Variants in USP15 observed in about 807,000 individuals in gnomAD.
USP15 encodes the protein ubiquitin specific peptidase 15, also known as ubiquitin carboxyl-terminal hydrolase 15.
A neutral mutation model predicts 127.1 loss-of-function variants in USP15; 18 were observed. The ratio of observed to expected loss-of-function variants is 0.14; its 90% CI spans 0.10 to 0.21. USP15 has a LOEUF of 0.21. Among genes scored for constraint, USP15 ranks in the 10% least tolerant of loss-of-function variants. The pLI is 1.00. For synonymous variants in USP15, 364 were observed against 393.7 expected (o/e 0.92, Z 0.89); for missense variants, 805 against 1,159.9 (o/e 0.69, Z 4.44).
chr12:62,271,470 C>A (rs1268920968), intron 1 of USP15, among the ~76,000 whole-genome samples: 1 of 151,804 alleles, frequency 6.6e-6, no homozygotes, highest in Non-Finnish European at 1.5e-5. Flanking sequence ...TAATGTATGC[C>A]TTTATATGAT....
In USP15 at chr12:62,391,417, C is replaced by G; in HGVS notation, c.2221C>G (p.Leu741Val). ...TRHIRFDDRQ[L>V]RLDERSFLAL... is the part of the protein sequence containing the mutation. Reference sequence around the variant, plus strand: ...GCATATAAGATTTGATGATAGGCAGCTTAGGCTAGATGGTAAGTATTTGTG... The same window carrying G: ...GCATATAAGATTTGATGATAGGCAGGTTAGGCTAGATGGTAAGTATTTGTG... Residue 741 changes from leucine to valine, a missense_variant, in exon 16 of 22, where the codon CTT becomes GTT. Around this residue, in one of 11 missense-constraint regions of USP15, gnomAD observed 225 missense variants for 239.5 expected, o/e 0.94. Coordinates refer to ENST00000280377, the MANE Select transcript of USP15 (RefSeq NM_001252078.2). The G allele has an allele frequency of 6.2e-7, 1 of 1,609,160 alleles. No individual in the cohort carries two copies. Among genetic ancestry groups the G allele is most frequent in the Non-Finnish European group, 8.5e-7 (1 of 1,178,234 alleles).
intron 1 of USP15, among the ~76,000 whole-genome samples, chr12:62,272,456 TAAC>T: frequency 6.6e-6 from 1 of 152,086 alleles, no homozygotes; most frequent in African/African-American, 2.4e-5. Context: ...TACAAATCAA[TAAC>T]AACAAAAAAA....
At chr12:62,340,391 G>A (rs1463800154) in intron 6 of USP15, among the ~76,000 whole-genome samples, 1 of 151,900 alleles carries the variant, frequency 6.6e-6, no homozygotes, top group African/African-American at 2.4e-5. Context: ...ATCTCCTTCA[G>A]TTCTGCTCTG....
At chr12:62,359,803 A>T (rs943104019) in intron 8 of USP15, among the ~76,000 whole-genome samples, 5 of 152,118 alleles carry the variant, frequency 3.3e-5, no homozygotes, top group African/African-American at 1.2e-4. Flanking sequence ...TGAATATTCT[A>T]TCTGTAGGGC....
At chr12:62,341,940 G>A (rs1477249351) in intron 6 of USP15, among the ~76,000 whole-genome samples, 1 of 152,056 alleles carries the variant, frequency 6.6e-6, no homozygotes, top group Non-Finnish European at 1.5e-5. Context: ...TACAAGGTTG[G>A]GGAGGTTCTC....
rs186187302 is a variant in USP15, at chr12:62,260,682, G to A, written c.89+179G>A. Among the ~76,000 whole-genome samples, 424 of 152,304 alleles carry A rather than the reference G, an allele frequency of 2.8e-3. 2 individuals carry two copies. Among genetic ancestry groups the A allele is most frequent in the Non-Finnish European group, 4.7e-3 (320 of 68,016 alleles). ...GGCAAAGGTTGGACTCTAGATGAGG[G>A]TCAGGGTTCTTGGCTTGCCAGGGCA... On this transcript the variant is annotated intron_variant, in intron 1 of 21. Coordinates refer to ENST00000280377, the MANE Select transcript of USP15 (RefSeq NM_001252078.2).
At chr12:62,402,185 G>A (rs1333536135) in intron 21 of USP15, among the ~76,000 whole-genome samples, 1 of 151,556 alleles carries the variant, frequency 6.6e-6, no homozygotes, top group Non-Finnish European at 1.5e-5. Context: ...CAAATTTGAG[G>A]TTGCCATGCA....
At chr12:62,385,565 A>G (rs759782574) in intron 11 of USP15, among the ~76,000 whole-genome samples, 1 of 152,014 alleles carries the variant, frequency 6.6e-6, no homozygotes, top group Non-Finnish European at 1.5e-5. Context: ...ATTGAACACA[A>G]TGCCCTCATA....
At chr12:62,390,768 G>T in intron 14 of USP15, 96 bp from the exon 15 acceptor site, 1 of 734,326 alleles carries the variant, frequency 1.4e-6, no homozygotes, top group Non-Finnish European at 2.2e-6. Context: ...CACTGTTACT[G>T]CATTAAAAAG....
intron 6 of USP15, among the ~76,000 whole-genome samples, chr12:62,330,048 A>G (rs2065243149): frequency 6.6e-6 from 1 of 152,200 alleles, no homozygotes; most frequent in South Asian, 2.1e-4. Context: ...TGGGAGTAAC[A>G]ATGGTGAGAT....
chr12:62,349,603 T>G (rs1449014548), intron 7 of USP15, among the ~76,000 whole-genome samples: 1 of 152,060 alleles, frequency 6.6e-6, no homozygotes, highest in Non-Finnish European at 1.5e-5. Context: ...GAATTTAAAT[T>G]CAGATGTCAT....
At chr12:62,389,745 A>G in intron 13 of USP15, 46 bp downstream of exon 13, 1 of 1,598,476 alleles carries the variant, frequency 6.3e-7, no homozygotes, top group Non-Finnish European at 8.5e-7. Flanking sequence ...AAAAAAAATT[A>G]ATAGAAGTAA....
chr12:62,338,729 C>A (rs868003714), intron 6 of USP15, among the ~76,000 whole-genome samples: 114 of 152,276 alleles, frequency 7.5e-4, no homozygotes, highest in African/African-American at 2.5e-3. Flanking sequence ...AATAGGGAAT[C>A]ATTTCCCTAT....
chr12:62,383,344 G>C (rs1210477489), intron 9 of USP15, among the ~76,000 whole-genome samples: 2 of 151,826 alleles, frequency 1.3e-5, no homozygotes, highest in African/African-American at 2.4e-5. Context: ...ATATATTGTT[G>C]AGTCCTTAAC....
chr12:62,328,887 G>C lies in USP15; in HGVS notation c.683+2954G>C, dbSNP rs551669153. On this transcript the variant is annotated intron_variant, in intron 6 of 21. Coordinates refer to ENST00000280377, the MANE Select transcript of USP15 (RefSeq NM_001252078.2). Reference sequence around the variant, plus strand: ...AAGATTCATGTATATTTGACAACTTGGTATATGATGTGGCACAACTAGGTA... The same window carrying C: ...AAGATTCATGTATATTTGACAACTTCGTATATGATGTGGCACAACTAGGTA... Among the ~76,000 whole-genome samples the C allele has an allele frequency of 2.6e-5, 4 of 152,252 alleles. No individual in the cohort carries two copies. The South Asian group carries it at 8.3e-4, about 32-fold the overall frequency.
At chr12:62,384,051 T>A in intron 10 of USP15, 27 bp from the exon 11 acceptor site, 1 of 1,610,406 alleles carries the variant, frequency 6.2e-7, no homozygotes, top group Non-Finnish European at 8.5e-7. Flanking sequence ...GATACCTCTT[T>A]CTAATTTGTG....
chr12:62,349,354 T>G, intron 7 of USP15, 47 bp downstream of exon 7: 2 of 1,268,250 alleles, frequency 1.6e-6, no homozygotes, highest in Non-Finnish European at 2.1e-6. Context: ...ATCACCCTAT[T>G]ATGGTTGCAA....
intron 21 of USP15, among the ~76,000 whole-genome samples, chr12:62,403,042 T>G (rs1169648466): frequency 6.6e-6 from 1 of 152,118 alleles, no homozygotes; most frequent in Admixed American, 6.6e-5. Context: ...AGATGACTTT[T>G]ACTTCACCAT....
rs2068153943 is a variant in USP15 at position 62,416,342 on chromosome 12, A to G, written c.*11967A>G. 6.6e-6 allele frequency: 1 copy of G among 152,218 alleles called. No individual in the cohort carries two copies. The highest frequency in any genetic ancestry group is 1.5e-5 in the Non-Finnish European group (1 of 68,046). The allele number at this position is 152,218 out of a possible 1,614,324, so 9.4% of individuals were successfully genotyped here. A position where few individuals can be genotyped will look rare whatever the true frequency, so the allele number is the denominator to read the frequency against. Reference sequence around the variant, plus strand: ...GATGTTAAGATGGTGTATGTGTGGCATAGTATTTGTTCCTAAATGTAAAAG... The same window carrying G: ...GATGTTAAGATGGTGTATGTGTGGCGTAGTATTTGTTCCTAAATGTAAAAG... On this transcript the variant is annotated 3_prime_UTR_variant, in exon 22 of 22. Coordinates refer to ENST00000280377, the MANE Select transcript of USP15 (RefSeq NM_001252078.2).
Sources: allele counts gnomAD v4.1 joint callset (sites outside exome capture counted in the v4.1 genomes callset), GRCh38; gene constraint gnomAD v4.1.1; regional missense constraint gnomAD v4.1.1; transcripts MANE v1.5; gene names NCBI Gene and HGNC (gene_info 2026-07-23, HGNC 2026-07-21).